The following RNF168 variants were observed in gnomAD, a reference collection of about 807,000 sequenced individuals.
RNF168 encodes ring finger protein 168.
A neutral mutation model predicts 34.9 loss-of-function variants in RNF168; 34 were observed. The ratio of observed to expected loss-of-function variants is 0.97; its 90% CI spans 0.74 to 1.30. RNF168 has a LOEUF of 1.30. RNF168 is among the 50% of genes most tolerant of loss of function. The pLI is 0.00. For synonymous variants in RNF168, 264 were observed against 254.7 expected (o/e 1.04, Z -0.35); for missense variants, 725 against 682.5 (o/e 1.06, Z -0.69).
At position 196,499,729 on chromosome 3, in the gene RNF168, G is replaced by A. The variant is rs1261379445; in HGVS notation, c.301+3144C>T. 2.6e-5 allele frequency among the ~76,000 whole-genome samples: 4 copies of A among 152,154 alleles called. No individual in the cohort carries two copies. In the South Asian group the frequency reaches 6.2e-4, roughly 24 times the overall value. Reference sequence around the variant, plus strand: ...CCAGCTACTCAGGAGGCTGAGGCAGGAGAATGCCCACAACTCAAAAAAACA... The same window carrying A: ...CCAGCTACTCAGGAGGCTGAGGCAGAAGAATGCCCACAACTCAAAAAAACA... On this transcript the variant is annotated intron_variant, in intron 1 of 5. Transcript: ENST00000318037.
chr3:196,490,255 GTAT>G (rs1412198201), intron 1 of RNF168, among the ~76,000 whole-genome samples: 73 of 152,292 alleles, frequency 4.8e-4, no homozygotes, highest in African/African-American at 1.7e-3. Flanking sequence ...ATGTGGGTAT[GTAT>G]CCTCAACAAA....
intron 2 of RNF168, 92 bp downstream of exon 2, chr3:196,488,515 C>A: frequency 2.8e-6 from 2 of 722,070 alleles, no homozygotes; most frequent in Non-Finnish European, 2.4e-6. Flanking sequence ...TCAAGATATA[C>A]TAGTTATATA....
rs1170776968 is a variant in RNF168, at chr3:196,469,233, T to C, written c.*2586A>G. On this transcript the variant is annotated 3_prime_UTR_variant, in exon 6 of 6. Transcript: ENST00000318037. Reference sequence around the variant, plus strand: ...AAAATTGGTTTGATGAGAAGATTGATCTTAGCCTGTCTCAGACAAATTTGG... The same window carrying C: ...AAAATTGGTTTGATGAGAAGATTGACCTTAGCCTGTCTCAGACAAATTTGG... 6.6e-6 allele frequency: 1 copy of C among 152,228 alleles called. No homozygotes were observed. Among genetic ancestry groups the C allele is most frequent in the Non-Finnish European group, 1.5e-5 (1 of 68,038 alleles). The allele number at this position is 152,228 out of a possible 1,614,324, so 9.4% of individuals were successfully genotyped here.
Position 196,503,560 on chromosome 3 carries a change from C to A in RNF168, c.-387G>T, listed in dbSNP as rs765918783. On this transcript the variant is annotated 5_prime_UTR_variant, in exon 1 of 6. Coordinates refer to ENST00000318037, the MANE Select transcript of RNF168 (RefSeq NM_152617.4). Reference sequence around the variant, plus strand: ...AAAGGATGCTCCGCTCAGCTCGGGGCAGCCGGGCCCCGGGACGCGGCTCCG... The same window carrying A: ...AAAGGATGCTCCGCTCAGCTCGGGGAAGCCGGGCCCCGGGACGCGGCTCCG... 33 of 251,368 alleles carry A rather than the reference C, an allele frequency of 1.3e-4. No homozygotes were observed. The highest frequency in any genetic ancestry group is 2.5e-4 in the Non-Finnish European group (32 of 125,560). The allele number at this position is 251,368 out of a possible 1,614,324, so 15.6% of individuals were successfully genotyped here. A position where few individuals can be genotyped will look rare whatever the true frequency, so the allele number is the denominator to read the frequency against.
chr3:196,502,884 G>A lies in RNF168; in HGVS notation c.290C>T (p.Ser97Leu). ...ECKLRASGQE[S>L]EEVADDYQPV... ...CATGGTTTACTCACCCACTTCCTCTGATTCTTGGCCAGACGCTCTAAGCTT... is the reference window on the plus strand; with the variant it reads ...CATGGTTTACTCACCCACTTCCTCTAATTCTTGGCCAGACGCTCTAAGCTT... The change falls in exon 1 of 6, where the codon TCA (serine) becomes TTA (leucine). Residue 97 changes from serine to leucine, a missense_variant. Transcript: ENST00000318037. The A allele has an allele frequency of 6.2e-7, 1 of 1,613,922 alleles. No homozygotes were observed. Among genetic ancestry groups the A allele is most frequent in the Non-Finnish European group, 8.5e-7 (1 of 1,179,830 alleles).
chr3:196,491,231 T>C (rs1198250949), intron 1 of RNF168, among the ~76,000 whole-genome samples: 1 of 152,142 alleles, frequency 6.6e-6, no homozygotes, highest in Non-Finnish European at 1.5e-5. Context: ...TAGAATAGCT[T>C]GAACCCGGGA....
rs1270244249 is a variant in RNF168 at position 196,481,962 on chromosome 3, CTT to C, written c.680+1806_680+1807del. Among the ~76,000 whole-genome samples the C allele has an allele frequency of 2.7e-3, 370 of 135,394 alleles. 4 individuals are homozygous for C. Among genetic ancestry groups the C allele is most frequent in the African/African-American group, 9.3e-3 (310 of 33,164 alleles). 88.8% of individuals were successfully genotyped at this position (135,394 alleles called of 152,430 possible). A position where few individuals can be genotyped will look rare whatever the true frequency, so the allele number is the denominator to read the frequency against. The stretch of plus-strand genomic sequence containing the variant: ...TATAGGCATGAGCCACTGTCCCTGG[CTT>C]TTTTTTTTTTTTTTTTTTAGAGACA... On this transcript the variant is annotated intron_variant, in intron 4 of 5. Transcript: ENST00000318037.
chr3:196,488,374 C>T (rs546821316), intron 2 of RNF168, among the ~76,000 whole-genome samples: 214 of 151,260 alleles, frequency 1.4e-3, no homozygotes, highest in Non-Finnish European at 2.4e-3. Context: ...CCCAGCTACT[C>T]GGGAGGCTGA....
Position 196,472,545 on chromosome 3 carries a change from G to C in RNF168, c.990C>G (p.His330Gln). 1.9e-6 allele frequency: 3 copies of C among 1,614,162 alleles called. No homozygotes were observed. The highest frequency in any genetic ancestry group is 2.5e-6 in the Non-Finnish European group (3 of 1,180,028). ...AGGGAACTCTGGTTTTAGGTCGCTC[G>C]TGACTTAAGACACATAACTCTTTCC... ...NHGKELCVLS[H>Q]ERPKTRVPYS... Residue 330 changes from histidine to glutamine, a missense_variant, in exon 6 of 6, where the codon CAC becomes CAG. By Grantham distance (24) the His-to-Gln change is conservative. Transcript: ENST00000318037.
In RNF168 at chr3:196,503,475, C is replaced by G. The variant is rs963799121; in HGVS notation, c.-302G>C. 1 of 416,678 alleles carries G rather than the reference C, an allele frequency of 2.4e-6. No individual in the cohort carries two copies. Among genetic ancestry groups the G allele is most frequent in the Non-Finnish European group, 4.5e-6 (1 of 222,700 alleles). The allele number at this position is 416,678 out of a possible 1,614,324, so 25.8% of individuals were successfully genotyped here. A position where few individuals can be genotyped will look rare whatever the true frequency, so the allele number is the denominator to read the frequency against. ...TGGCTGCTCCGCGGCATGAACACCG[C>G]GGCTGCGGCTCCCGGGGCAGCGAGG... On this transcript the variant is annotated 5_prime_UTR_variant, in exon 1 of 6. Transcript: ENST00000318037.
chr3:196,502,194 C>T (rs1732910278), intron 1 of RNF168, among the ~76,000 whole-genome samples: 1 of 151,834 alleles, frequency 6.6e-6, no homozygotes, highest in Non-Finnish European at 1.5e-5. Flanking sequence ...TTTGGGGCTC[C>T]TGAGTCTACC....
intron 1 of RNF168, among the ~76,000 whole-genome samples, chr3:196,500,481 G>A (rs902269467): frequency 6.6e-6 from 1 of 152,128 alleles, no homozygotes; most frequent in Non-Finnish European, 1.5e-5. Context: ...AAAGGAGAAC[G>A]GTGGTTGCCA....
At chr3:196,497,154 A>T (rs1732762259) in intron 1 of RNF168, among the ~76,000 whole-genome samples, 1 of 152,106 alleles carries the variant, frequency 6.6e-6, no homozygotes, top group Non-Finnish European at 1.5e-5. Flanking sequence ...TCAAAAAGAA[A>T]AAAAAAGATT....
chr3:196,502,854 C>CA lies in RNF168; in HGVS notation c.301+18dup. 6.2e-7 allele frequency: 1 copy of CA among 1,609,324 alleles called. No homozygotes were observed. Among genetic ancestry groups the CA allele is most frequent in the Non-Finnish European group, 8.5e-7 (1 of 1,175,694 alleles). On this transcript the variant is annotated intron_variant, in intron 1 of 5. Transcript: ENST00000318037. ...AGACTTGCGGCTTTTGGCCAACAAA[C>CA]ACGCCATGGTTTACTCACCCACTTC...
rs141253353 is a variant in RNF168 at position 196,487,487 on chromosome 3, T to C, written c.470A>G (p.Glu157Gly). 277 of 1,614,188 alleles carry C rather than the reference T, an allele frequency of 1.7e-4. No individual in the cohort carries two copies. Among genetic ancestry groups the C allele is most frequent in the Non-Finnish European group, 2.2e-4 (262 of 1,179,982 alleles). ...QRLLAEEEEEEKRQAEKRRRA... is the reference protein window; with the variant it reads ...QRLLAEEEEEGKRQAEKRRRA... ...TCGCCTTTTTTCTGCCTGTCTTTTT[T>C]CCTCTTCTTCCTCCTCTGCCAACAA... The change falls in exon 3 of 6, where the codon GAA (glutamate) becomes GGA (glycine). Residue 157 changes from glutamate (E) to glycine (G), a missense_variant. Coordinates refer to ENST00000318037, the MANE Select transcript of RNF168 (RefSeq NM_152617.4).
intron 1 of RNF168, among the ~76,000 whole-genome samples, chr3:196,501,478 T>C (rs888963434): frequency 7.2e-5 from 11 of 152,110 alleles, no homozygotes; most frequent in Non-Finnish European, 1.5e-4. Flanking sequence ...AGATCCTATA[T>C]TGCATGAGTC....
chr3:196,486,432 A>G (rs1242257660), intron 3 of RNF168, among the ~76,000 whole-genome samples: 1 of 152,106 alleles, frequency 6.6e-6, no homozygotes, highest in East Asian at 1.9e-4. Flanking sequence ...TCCTGGGCTC[A>G]AGGGATCCTC....
intron 1 of RNF168, among the ~76,000 whole-genome samples, chr3:196,497,136 ACT>A (rs1732761663): frequency 1.3e-5 from 2 of 151,980 alleles, no homozygotes; most frequent in South Asian, 2.1e-4. Flanking sequence ...ACAGAGCAAG[ACT>A]CTGTCTCAAA....
intron 1 of RNF168, among the ~76,000 whole-genome samples, chr3:196,501,390 C>T (rs1304888804): frequency 2.6e-5 from 4 of 152,038 alleles, no homozygotes; most frequent in African/African-American, 9.7e-5. Flanking sequence ...TTATTCAGCC[C>T]GAAAAATGAA....
Sources: allele counts gnomAD v4.1 joint callset (sites outside exome capture counted in the v4.1 genomes callset), GRCh38; gene constraint gnomAD v4.1.1; transcripts MANE v1.5; gene names NCBI Gene and HGNC (gene_info 2026-07-23, HGNC 2026-07-21).